The following TRPM3 variants were observed in gnomAD, a reference collection of about 807,000 sequenced individuals.
The protein encoded by TRPM3 is transient receptor potential cation channel subfamily M member 3.
In TRPM3, 77 loss-of-function variants were observed where a neutral mutation model predicts 181.2. The observed-to-expected ratio is 0.42, with a 90% CI of 0.35 to 0.51. The LOEUF is 0.51. Among genes scored for constraint, TRPM3 ranks in the 20% least tolerant of loss-of-function variants. The probability of loss-of-function intolerance (pLI) is 0.01; values close to 1 mark genes in which losing one functional copy is unlikely to be tolerated. For synonymous variants in TRPM3, 745 were observed against 796.4 expected, an observed-to-expected ratio of 0.94 and a Z score of 1.09; for missense variants, 1,759 against 2,196.7, an observed-to-expected ratio of 0.80 and a Z score of 3.98.
At chr9:70,811,010 G>A (rs893354797) in intron 6 of TRPM3, among the ~76,000 whole-genome samples, 1 of 152,140 alleles carries the variant, frequency 6.6e-6, no homozygotes, top group Non-Finnish European at 1.5e-5. Flanking sequence ...ATAATAGGGA[G>A]TAACTAATTT....
chr9:70,885,481 C>G (rs2096069741), intron 1 of TRPM3, among the ~76,000 whole-genome samples: 1 of 152,090 alleles, frequency 6.6e-6, no homozygotes, highest in African/African-American at 2.4e-5. Context: ...CCATAGCATC[C>G]AAATACCTAT....
chr9:70,816,404 T>C (rs1237926725), intron 6 of TRPM3, among the ~76,000 whole-genome samples: 1 of 152,250 alleles, frequency 6.6e-6, no homozygotes, highest in Non-Finnish European at 1.5e-5. Context: ...CATCTGCTCA[T>C]CAGAGCCTCC....
At chr9:71,123,596 A>C (rs549876403), upstream of TRPM3, among the ~76,000 whole-genome samples, 1 of 152,250 alleles carries the variant, frequency 6.6e-6, no homozygotes, top group Non-Finnish European at 1.5e-5. Context: ...GCATGCATAC[A>C]TATGGTAGTA....
chr9:71,209,828 C>T (rs2079370779), intron 1 of TRPM3, among the ~76,000 whole-genome samples: 1 of 152,228 alleles, frequency 6.6e-6, no homozygotes, highest in African/African-American at 2.4e-5. Flanking sequence ...TGGAATACAG[C>T]CATGCTCATT....
At chr9:70,762,290 GC>G (rs2078285332) in intron 7 of TRPM3, among the ~76,000 whole-genome samples, 1 of 152,178 alleles carries the variant, frequency 6.6e-6, no homozygotes, top group African/African-American at 2.4e-5. Flanking sequence ...TTTACGTCAA[GC>G]TTTTGTTCTG....
intron 1 of TRPM3, among the ~76,000 whole-genome samples, chr9:70,916,475 A>G (rs1046730309): frequency 4.6e-5 from 7 of 152,166 alleles, no homozygotes; most frequent in African/African-American, 1.7e-4. Flanking sequence ...AATAGAAACA[A>G]CAAAAAGTTA....
chr9:71,251,613 G>A (rs2082346747), intron 1 of TRPM3, among the ~76,000 whole-genome samples: 1 of 151,804 alleles, frequency 6.6e-6, no homozygotes, highest in Non-Finnish European at 1.5e-5. Flanking sequence ...TATATATGGG[G>A]CACATGAGAT....
intron 1 of TRPM3, among the ~76,000 whole-genome samples, chr9:71,214,276 GT>G (rs2079703941): frequency 5.3e-5 from 8 of 151,948 alleles, no homozygotes; most frequent in Non-Finnish European, 4.4e-5. Context: ...ATAAATCACA[GT>G]TTAATATATC....
chr9:71,326,414 G>T (rs2089684306), intron 1 of TRPM3, among the ~76,000 whole-genome samples: 1 of 152,154 alleles, frequency 6.6e-6, no homozygotes, highest in South Asian at 2.1e-4. Context: ...GTATATGCAT[G>T]CATGTATGTT....
At chr9:70,946,430 A>ATGG (rs1031820400) in intron 1 of TRPM3, among the ~76,000 whole-genome samples, 1 of 120,480 alleles carries the variant, frequency 8.3e-6, no homozygotes, top group Non-Finnish European at 1.7e-5. Context: ...CCTCTGTTAA[A>ATGG]TGGTAATAAT....
intron 1 of TRPM3, among the ~76,000 whole-genome samples, chr9:71,259,869 T>G (rs2082923655): frequency 6.6e-6 from 1 of 152,216 alleles, no homozygotes; most frequent in African/African-American, 2.4e-5. Context: ...TCTTCTGTTG[T>G]GCAGAAGCTC....
chr9:71,322,825 T>C (rs540870800), intron 1 of TRPM3, among the ~76,000 whole-genome samples: 3 of 152,244 alleles, frequency 2.0e-5, no homozygotes, highest in South Asian at 2.1e-4. Flanking sequence ...AAAGTTAAAA[T>C]TGTGTTTAGT....
Position 71,322,134 on chromosome 9 carries a change from G to A in TRPM3, c.183+124519C>T, listed in dbSNP as rs552749072. Reference sequence around the variant, plus strand: ...TGGTTGTATAGACAACTTGGATTTTGTGTTACAATCCAAGTACAGACAACT... The same window carrying A: ...TGGTTGTATAGACAACTTGGATTTTATGTTACAATCCAAGTACAGACAACT... On this transcript the variant is annotated intron_variant, in intron 1 of 24. Transcript: ENST00000357533. Among the ~76,000 whole-genome samples, 351 of 152,214 alleles carry A rather than the reference G, an allele frequency of 2.3e-3. 1 individual carries two copies. Among genetic ancestry groups the A allele is most frequent in the Admixed American group, 4.1e-3 (62 of 15,272 alleles).
chr9:71,340,749 A>G (rs1171069079), intron 1 of TRPM3, among the ~76,000 whole-genome samples: 2 of 152,148 alleles, frequency 1.3e-5, no homozygotes. Context: ...TAGGACTAAA[A>G]GCAGTGACAC....
chr9:71,246,658 A>G (rs932199548), intron 1 of TRPM3, among the ~76,000 whole-genome samples: 1 of 152,238 alleles, frequency 6.6e-6, no homozygotes, highest in Admixed American at 6.5e-5. Flanking sequence ...ATTCGCATAC[A>G]ATTTTATCAA....
intron 1 of TRPM3, among the ~76,000 whole-genome samples, chr9:71,178,098 GTAGATAAAATATAATAAACCTA>G (rs1374447244): frequency 6.6e-6 from 1 of 151,880 alleles, no homozygotes; most frequent in Non-Finnish European, 1.5e-5. Flanking sequence ...ACAGTACACT[GTAGATAAAATATAATAAACCTA>G]TAAACCGTCA....
At chr9:70,871,644 A>G (rs2095791664) in intron 1 of TRPM3, among the ~76,000 whole-genome samples, 1 of 152,020 alleles carries the variant, frequency 6.6e-6, no homozygotes, top group Non-Finnish European at 1.5e-5. Context: ...TTAGCTCCAA[A>G]GAGACTTGTA....
intron 1 of TRPM3, among the ~76,000 whole-genome samples, chr9:70,887,977 T>G (rs1194451618): frequency 1.3e-5 from 2 of 152,226 alleles, no homozygotes; most frequent in Non-Finnish European, 2.9e-5. Flanking sequence ...GATGAGTTGT[T>G]GTTTTTATTT....
intron 1 of TRPM3, among the ~76,000 whole-genome samples, chr9:71,135,734 T>C (rs1303656091): frequency 6.6e-6 from 1 of 152,194 alleles, no homozygotes; most frequent in Non-Finnish European, 1.5e-5. Flanking sequence ...AAGTTTATGC[T>C]GTGGAACATC....
Sources: allele counts gnomAD v4.1 joint callset (sites outside exome capture counted in the v4.1 genomes callset), GRCh38; gene constraint gnomAD v4.1.1; transcripts MANE v1.5; gene names NCBI Gene and HGNC (gene_info 2026-07-23, HGNC 2026-07-21).